Variants in GPHN observed in about 807,000 individuals in gnomAD.
GPHN encodes the protein gephyrin.
In GPHN, 17 loss-of-function variants were observed where a neutral mutation model predicts 95.5. The observed-to-expected ratio is 0.18, with a 90% CI of 0.12 to 0.27. The LOEUF (loss-of-function observed/expected upper bound fraction) is 0.27, where lower values mean the gene tolerates loss of function less well. Among genes scored for constraint, GPHN ranks in the 10% least tolerant of loss-of-function variants. The pLI is 1.00. For synonymous variants in GPHN, 320 were observed against 322.5 expected (o/e 0.99, Z 0.08); for missense variants, 660 against 978.1 (o/e 0.67, Z 4.34).
chr14:67,586,130 T>C, the GPHN span: 108 of 1,610,082 alleles, frequency 6.7e-5, no homozygotes, highest in African/African-American at 1.3e-3. Flanking sequence ...CGTTCTACTC[T>C]GGCAAGATGT....
At chr14:67,133,084 A>G (rs1283924008) in intron 17 of GPHN, among the ~76,000 whole-genome samples, 1 of 152,094 alleles carries the variant, frequency 6.6e-6, no homozygotes, top group East Asian at 1.9e-4. Flanking sequence ...AATGATGGCT[A>G]TATGTGTAGT....
intron 11 of GPHN, among the ~76,000 whole-genome samples, chr14:67,069,955 G>C (rs1312962129): frequency 6.6e-6 from 1 of 152,124 alleles, no homozygotes; most frequent in Non-Finnish European, 1.5e-5. Context: ...CCAAATCACT[G>C]CCTTAAGTTT....
chr14:67,608,264 T>C, the GPHN span, among the ~76,000 whole-genome samples: 2 of 152,076 alleles, frequency 1.3e-5, no homozygotes, highest in Non-Finnish European at 2.9e-5. Context: ...GAAAAAATAA[T>C]GTCTGTACTG....
the GPHN span, chr14:67,292,454 C>A: frequency 2.6e-6 from 3 of 1,157,920 alleles, no homozygotes; most frequent in Non-Finnish European, 2.5e-6. Flanking sequence ...TCTGAAAATG[C>A]ATGTTGAATT....
intron 2 of GPHN, among the ~76,000 whole-genome samples, chr14:66,757,778 C>T (rs2058617210): frequency 6.6e-6 from 1 of 152,184 alleles, no homozygotes; most frequent in Non-Finnish European, 1.5e-5. Flanking sequence ...ACTTCCCTAA[C>T]ATTATAGTTA....
At chr14:66,613,705 T>C (rs1322790852) in intron 1 of GPHN, among the ~76,000 whole-genome samples, 2 of 151,984 alleles carry the variant, frequency 1.3e-5, no homozygotes, top group Non-Finnish European at 2.9e-5. Context: ...TGGATAGATA[T>C]TAGTATTCAC....
At chr14:67,669,468 T>C in the GPHN span, among the ~76,000 whole-genome samples, 4 of 151,426 alleles carry the variant, frequency 2.6e-5, no homozygotes, top group African/African-American at 9.7e-5. Context: ...GGTCTCACCA[T>C]GTTGCCAAGG....
the GPHN span, among the ~76,000 whole-genome samples, chr14:67,549,072 T>C: frequency 6.6e-6 from 1 of 152,158 alleles, no homozygotes; most frequent in Admixed American, 6.5e-5. Context: ...TATCTCATAC[T>C]TTGTGACAAG....
the GPHN span, among the ~76,000 whole-genome samples, chr14:67,552,356 G>T: frequency 5.9e-5 from 9 of 152,196 alleles, no homozygotes; most frequent in African/African-American, 2.2e-4. Context: ...ATCTGCCCTC[G>T]TGAAAAGTGT....
intron 8 of GPHN, among the ~76,000 whole-genome samples, chr14:66,940,976 T>G (rs1448198320): frequency 1.3e-5 from 2 of 152,218 alleles, no homozygotes; most frequent in African/African-American, 4.8e-5. Context: ...GTTAGCTCCC[T>G]TGGTCTTACT....
chr14:66,743,690 G>A (rs1009534615), intron 2 of GPHN, among the ~76,000 whole-genome samples: 2 of 152,072 alleles, frequency 1.3e-5, no homozygotes, highest in East Asian at 1.9e-4. Flanking sequence ...TGCAGTGAGC[G>A]GAGATCGCGC....
chr14:66,671,769 T>C (rs955350508), intron 1 of GPHN, among the ~76,000 whole-genome samples: 1 of 152,174 alleles, frequency 6.6e-6, no homozygotes, highest in African/African-American at 2.4e-5. Flanking sequence ...TTCATAATAT[T>C]CCTTTATTAT....
At chr14:66,713,435 G>T (rs1230957866) in intron 2 of GPHN, among the ~76,000 whole-genome samples, 2 of 152,086 alleles carry the variant, frequency 1.3e-5, no homozygotes, top group African/African-American at 4.8e-5. Context: ...TTGAAGATCA[G>T]TTGGCTAAGT....
At chr14:67,284,918 A>G in the GPHN span, among the ~76,000 whole-genome samples, 2 of 151,890 alleles carry the variant, frequency 1.3e-5, no homozygotes, top group Non-Finnish European at 2.9e-5. Context: ...TTTTATTTTT[A>G]TTTTTATTTT....
chr14:67,690,167 C>T, the GPHN span: 1 of 1,555,366 alleles, frequency 6.4e-7, no homozygotes, highest in South Asian at 1.1e-5. Flanking sequence ...CTTTTACCTG[C>T]CTCTCTCTGA....
the GPHN span, among the ~76,000 whole-genome samples, chr14:67,332,365 A>G: frequency 2.6e-5 from 4 of 152,306 alleles, 1 homozygote; most frequent in South Asian, 8.3e-4. Flanking sequence ...CCAAAAGTAA[A>G]TGGCATTTTA....
chr14:67,374,339 G>A, the GPHN span: 1 of 504,980 alleles, frequency 2.0e-6, no homozygotes, highest in Non-Finnish European at 3.5e-6. Context: ...GCAGTATTTT[G>A]TTGATAGGAT....
intron 9 of GPHN, among the ~76,000 whole-genome samples, chr14:66,973,664 C>A (rs187229068): frequency 1.3e-5 from 2 of 152,104 alleles, no homozygotes; most frequent in Non-Finnish European, 2.9e-5. Context: ...GAGGCTGAGG[C>A]AGGAGAATCG....
chr14:66,957,693 A>C (rs1481707415), intron 8 of GPHN, among the ~76,000 whole-genome samples: 4 of 152,056 alleles, frequency 2.6e-5, no homozygotes, highest in Non-Finnish European at 1.5e-5. Flanking sequence ...TGCTAGGTCT[A>C]GTTGGTTTAT....
Sources: allele counts gnomAD v4.1 joint callset (sites outside exome capture counted in the v4.1 genomes callset), GRCh38; gene constraint gnomAD v4.1.1; transcripts MANE v1.5; gene names NCBI Gene and HGNC (gene_info 2026-07-23, HGNC 2026-07-21).